The following FABP6 variants were observed in gnomAD, a reference collection of about 807,000 sequenced individuals.
FABP6 encodes the protein gastrotropin.
In FABP6, 13 loss-of-function variants were observed where a neutral mutation model predicts 14.9. The observed-to-expected ratio is 0.87, with a 90% CI of 0.57 to 1.39. FABP6 has a LOEUF of 1.39. Among genes scored for constraint, FABP6 ranks in the 40% most tolerant of loss-of-function variants. The probability of loss-of-function intolerance (pLI) is 0.00; values close to 1 mark genes in which losing one functional copy is unlikely to be tolerated. For synonymous variants in FABP6, 75 were observed against 63.6 expected, an observed-to-expected ratio of 1.18 and a Z score of -0.85; for missense variants, 161 against 167.2, an observed-to-expected ratio of 0.96 and a Z score of 0.20.
chr5:160,223,674 G>A (rs984573318), intron 3 of FABP6, among the ~76,000 whole-genome samples: 13 of 151,316 alleles, frequency 8.6e-5, no homozygotes, highest in East Asian at 2.0e-4. Flanking sequence ...CGATCTTTCC[G>A]CCTCGGCCTC....
At chr5:160,219,119 G>A (rs1380354162) in intron 3 of FABP6, among the ~76,000 whole-genome samples, 1 of 152,164 alleles carries the variant, frequency 6.6e-6, no homozygotes, top group Admixed American at 6.5e-5. Flanking sequence ...GAGGAAAGAG[G>A]AAGGGGAGTT....
intron 1 of FABP6, chr5:160,198,841 A>T (rs59553402): frequency 1.6e-5 from 8 of 499,736 alleles, no homozygotes; most frequent in Non-Finnish European, 2.9e-5. Flanking sequence ...ATACTGGCCC[A>T]TCATCCTGTT....
At chr5:160,220,517 G>A (rs1760106969) in intron 3 of FABP6, among the ~76,000 whole-genome samples, 1 of 152,076 alleles carries the variant, frequency 6.6e-6, no homozygotes, top group South Asian at 2.1e-4. Flanking sequence ...GCTGAGGCAG[G>A]AAGATCTCTT....
chr5:160,193,448 G>T (rs992596615), intron 1 of FABP6, among the ~76,000 whole-genome samples: 1 of 152,068 alleles, frequency 6.6e-6, no homozygotes, highest in Non-Finnish European at 1.5e-5. Flanking sequence ...AGCGGGTTGC[G>T]ACTGCTGGCT....
intron 2 of FABP6, among the ~76,000 whole-genome samples, chr5:160,233,656 C>T (rs528397122): frequency 1.8e-4 from 27 of 152,136 alleles, no homozygotes; most frequent in Admixed American, 1.5e-3. Context: ...AGGCAGATCA[C>T]GAGGTTAGGA....
chr5:160,234,126 T>C (rs1429856982), intron 2 of FABP6, among the ~76,000 whole-genome samples: 1 of 152,150 alleles, frequency 6.6e-6, no homozygotes, highest in Admixed American at 6.6e-5. Flanking sequence ...CCAGAACACA[T>C]AGCCCTCCTG....
At chr5:160,229,673 C>A in intron 1 of FABP6, 49 bp downstream of exon 1, 1 of 1,557,976 alleles carries the variant, frequency 6.4e-7, no homozygotes, top group Non-Finnish European at 8.9e-7. Context: ...TTGTCACAGC[C>A]AGCTCTGGGC....
chr5:160,220,931 T>C (rs1760116275), intron 3 of FABP6, among the ~76,000 whole-genome samples: 1 of 151,488 alleles, frequency 6.6e-6, no homozygotes, highest in African/African-American at 2.4e-5. Context: ...CTACTAAAAA[T>C]ACAAAAATTA....
At chr5:160,206,733 A>G (rs1057314284) in intron 2 of FABP6, among the ~76,000 whole-genome samples, 3 of 152,162 alleles carry the variant, frequency 2.0e-5, no homozygotes, top group Non-Finnish European at 2.9e-5. Flanking sequence ...CTGCTTGGCT[A>G]TGAGCACCCA....
intron 2 of FABP6, among the ~76,000 whole-genome samples, chr5:160,204,168 G>C (rs911748753): frequency 6.7e-6 from 1 of 150,280 alleles, no homozygotes; most frequent in Non-Finnish European, 1.5e-5. Flanking sequence ...TACCCACAGG[G>C]TTCTTGCTGT....
upstream of FABP6, chr5:160,229,441 G>A: frequency 6.4e-7 from 1 of 1,553,552 alleles, no homozygotes; most frequent in Non-Finnish European, 8.7e-7. Context: ...AAGAAGTGGG[G>A]TGACTTAGGG....
At chr5:160,197,325 G>A (rs2113065774) in intron 1 of FABP6, 1 of 152,370 alleles carries the variant, frequency 6.6e-6, no homozygotes. Context: ...GTGTCCCATT[G>A]CTAATAACAA....
At chr5:160,219,634 C>T (rs2113118533) in intron 3 of FABP6, among the ~76,000 whole-genome samples, 1 of 152,204 alleles carries the variant, frequency 6.6e-6, no homozygotes, top group East Asian at 1.9e-4. Flanking sequence ...TTCCCATAGC[C>T]CCACCACTCC....
At chr5:160,222,895 G>A (rs1760159394) in intron 3 of FABP6, among the ~76,000 whole-genome samples, 1 of 152,108 alleles carries the variant, frequency 6.6e-6, no homozygotes, top group Admixed American at 6.6e-5. Flanking sequence ...CCATCCTGGG[G>A]CTTTAGCTCA....
intron 1 of FABP6, among the ~76,000 whole-genome samples, chr5:160,189,732 T>A (rs1759359131): frequency 6.6e-6 from 1 of 152,086 alleles, no homozygotes; most frequent in Admixed American, 6.6e-5. Context: ...ATTAAAAAAA[T>A]TTTAAGATAT....
At chr5:160,205,941 G>T (rs1346238401) in intron 2 of FABP6, among the ~76,000 whole-genome samples, 1 of 152,088 alleles carries the variant, frequency 6.6e-6, no homozygotes, top group Non-Finnish European at 1.5e-5. Flanking sequence ...TTGATTTATT[G>T]TTCAAGGTCT....
chr5:160,217,704 A>G (rs1760041330), intron 3 of FABP6, among the ~76,000 whole-genome samples: 2 of 152,156 alleles, frequency 1.3e-5, no homozygotes, highest in South Asian at 4.1e-4. Flanking sequence ...CGGCATGATC[A>G]TGGCTCACTG....
chr5:160,198,455 C>A (rs1759561643), intron 1 of FABP6: 9 of 152,460 alleles, frequency 5.9e-5, no homozygotes, highest in Admixed American at 5.9e-4. Context: ...TTCCACGTTC[C>A]TTCTTCCTAT....
intron 1 of FABP6, among the ~76,000 whole-genome samples, chr5:160,188,658 C>G (rs1055812588): frequency 6.6e-6 from 1 of 152,226 alleles, no homozygotes; most frequent in Non-Finnish European, 1.5e-5. Flanking sequence ...GCCGGCTTCT[C>G]CCTGCGGAGA....
Sources: allele counts gnomAD v4.1 joint callset (sites outside exome capture counted in the v4.1 genomes callset), GRCh38; gene constraint gnomAD v4.1.1; transcripts MANE v1.5; gene names NCBI Gene and HGNC (gene_info 2026-07-23, HGNC 2026-07-21).